Variants in MDGA2 observed in about 807,000 individuals in gnomAD.
MDGA2 encodes MAM domain-containing glycosylphosphatidylinositol anchor protein 2.
A neutral mutation model predicts 117.8 loss-of-function variants in MDGA2; 40 were observed. That is an observed-to-expected ratio of 0.34 (90% CI 0.26 to 0.44). The LOEUF (loss-of-function observed/expected upper bound fraction) is 0.44. Ranked by LOEUF, MDGA2 falls within the 20% of genes least tolerant of loss-of-function variation. The probability of loss-of-function intolerance (pLI) is 1.00; values close to 1 mark genes in which losing one functional copy is unlikely to be tolerated. For synonymous variants in MDGA2, 452 were observed against 439.0 expected, an observed-to-expected ratio of 1.03 and a Z score of -0.37; for missense variants, 1,123 against 1,250.6, an observed-to-expected ratio of 0.90 and a Z score of 1.54.
chr14:47,465,915 A>G (rs1335855379), intron 1 of MDGA2, among the ~76,000 whole-genome samples: 1 of 152,168 alleles, frequency 6.6e-6, no homozygotes, highest in Non-Finnish European at 1.5e-5. Flanking sequence ...AATAGCAGAC[A>G]TGGAATCAAC....
chr14:46,938,761 A>G (rs1161317355), intron 9 of MDGA2, among the ~76,000 whole-genome samples: 2 of 152,078 alleles, frequency 1.3e-5, no homozygotes, highest in East Asian at 3.9e-4. Context: ...CCCTCTACTG[A>G]TATTTATCCA....
chr14:47,625,994 G>A (rs1897132633), intron 1 of MDGA2, among the ~76,000 whole-genome samples: 1 of 152,140 alleles, frequency 6.6e-6, no homozygotes, highest in Non-Finnish European at 1.5e-5. Flanking sequence ...TTAATTCCAA[G>A]TTACTGTTTT....
chr14:47,080,949 C>T (rs971302163), intron 6 of MDGA2, among the ~76,000 whole-genome samples: 1 of 152,142 alleles, frequency 6.6e-6, no homozygotes, highest in African/African-American at 2.4e-5. Context: ...TCAACTTCTT[C>T]AAATCATCCA....
intron 1 of MDGA2, among the ~76,000 whole-genome samples, chr14:47,605,099 T>C (rs1010866496): frequency 2.6e-5 from 4 of 151,978 alleles, no homozygotes; most frequent in African/African-American, 7.2e-5. Flanking sequence ...TTTTCCCCCA[T>C]AGTTTAAAAT....
chr14:46,964,262 A>T (rs1885927295), intron 8 of MDGA2, among the ~76,000 whole-genome samples: 1 of 152,236 alleles, frequency 6.6e-6, no homozygotes, highest in South Asian at 2.1e-4. Flanking sequence ...ATTAGAGACC[A>T]GATCAGCTAT....
rs551942920 is a variant in MDGA2, at chr14:47,210,202, T to C, written c.595+7819A>G. Among the ~76,000 whole-genome samples the C allele has an allele frequency of 5.9e-5, 9 of 152,322 alleles. No homozygotes were observed. In the East Asian group the frequency reaches 1.5e-3, roughly 26 times the overall value. ...GGACCAAAAATATCACTGCTTGTTCTGAACATAATGAAATGCAGCAATCTA... is the reference window on the plus strand; with the variant it reads ...GGACCAAAAATATCACTGCTTGTTCCGAACATAATGAAATGCAGCAATCTA... On this transcript the variant is annotated intron_variant, in intron 3 of 16. Transcript: ENST00000399232.
rs542255836 is a variant in MDGA2 at position 47,447,491 on chromosome 14, T to G, written c.281-145941A>C. 9.8e-5 allele frequency among the ~76,000 whole-genome samples: 15 copies of G among 152,292 alleles called. No homozygotes were observed. In the South Asian group the frequency reaches 2.7e-3, roughly 27 times the overall value. On this transcript the variant is annotated intron_variant, in intron 1 of 16. Coordinates refer to ENST00000399232, the MANE Select transcript of MDGA2 (RefSeq NM_001113498.3). ...TAATGCTGTGTTTTCTGTTGTTGGATGCTTATGTGGGTTATATGTAAAATC... is the reference window on the plus strand; with the variant it reads ...TAATGCTGTGTTTTCTGTTGTTGGAGGCTTATGTGGGTTATATGTAAAATC...
At position 47,346,078 on chromosome 14, in the gene MDGA2, GA is replaced by G. The variant is rs1356116632; in HGVS notation, c.281-44529del. Among the ~76,000 whole-genome samples, 3 of 152,122 alleles carry G rather than the reference GA, an allele frequency of 2.0e-5. No individual in the cohort carries two copies. In the East Asian group the frequency reaches 5.8e-4, roughly 29 times the overall value. ...TATATTATATATTTTCTAATAGCTA[GA>G]AGGATGATATTGAATGTTCCCAACA... On this transcript the variant is annotated intron_variant, in intron 1 of 16. Coordinates refer to ENST00000399232, the MANE Select transcript of MDGA2 (RefSeq NM_001113498.3).
chr14:46,953,148 A>T (rs917018368), intron 9 of MDGA2, among the ~76,000 whole-genome samples: 3 of 151,850 alleles, frequency 2.0e-5, no homozygotes, highest in African/African-American at 7.2e-5. Flanking sequence ...TCTCTTTCTG[A>T]TGTTTAATCT....
chr14:46,919,691 T>C (rs1395560418), intron 10 of MDGA2, among the ~76,000 whole-genome samples: 1 of 152,168 alleles, frequency 6.6e-6, no homozygotes, highest in East Asian at 1.9e-4. Flanking sequence ...CTGAAATAAG[T>C]TCCTTTTATG....
chr14:47,507,497 G>C (rs1257714039), intron 1 of MDGA2, among the ~76,000 whole-genome samples: 1 of 152,062 alleles, frequency 6.6e-6, no homozygotes, highest in Admixed American at 6.6e-5. Context: ...AAAGGAGAGA[G>C]AACAAGATTT....
At chr14:46,931,440 T>G (rs1164548832) in intron 9 of MDGA2, among the ~76,000 whole-genome samples, 3 of 151,976 alleles carry the variant, frequency 2.0e-5, no homozygotes, top group Non-Finnish European at 2.9e-5. Flanking sequence ...TCAGTAGAAC[T>G]TTGGAGGACA....
intron 3 of MDGA2, among the ~76,000 whole-genome samples, chr14:47,187,377 C>CA (rs1178491585): frequency 4.0e-5 from 6 of 151,602 alleles, no homozygotes; most frequent in African/African-American, 2.4e-5. Context: ...ATTGGCAAAC[C>CA]AAAAAAACAA....
chr14:47,513,554 AATAG>A (rs751138869), intron 1 of MDGA2, among the ~76,000 whole-genome samples: 63 of 152,192 alleles, frequency 4.1e-4, no homozygotes, highest in Non-Finnish European at 6.5e-4. Flanking sequence ...CACATAGAAA[AATAG>A]ATAATTTTAT....
chr14:47,394,381 T>C (rs543416025), intron 1 of MDGA2, among the ~76,000 whole-genome samples: 16 of 152,278 alleles, frequency 1.1e-4, no homozygotes, highest in Admixed American at 5.2e-4. Context: ...TGTAACCTAG[T>C]GTAAAAGGTC....
intron 14 of MDGA2, among the ~76,000 whole-genome samples, chr14:46,857,210 T>A (rs1881303062): frequency 1.3e-5 from 2 of 152,214 alleles, no homozygotes; most frequent in Non-Finnish European, 2.9e-5. Flanking sequence ...TTATTTCCAT[T>A]TCTGGTGGTT....
chr14:46,872,666 T>C (rs1391437832), intron 14 of MDGA2, among the ~76,000 whole-genome samples: 2 of 152,006 alleles, frequency 1.3e-5, no homozygotes, highest in Non-Finnish European at 2.9e-5. Context: ...ATAGAGACTA[T>C]ACATAGGTTC....
At chr14:47,043,433 A>G (rs1298495936) in intron 7 of MDGA2, among the ~76,000 whole-genome samples, 1 of 152,118 alleles carries the variant, frequency 6.6e-6, no homozygotes, top group Non-Finnish European at 1.5e-5. Context: ...GTTTGAAAAT[A>G]TGCAGAACTT....
intron 2 of MDGA2, among the ~76,000 whole-genome samples, chr14:47,226,629 T>C (rs1400444643): frequency 6.6e-6 from 1 of 152,032 alleles, no homozygotes; most frequent in Non-Finnish European, 1.5e-5. Context: ...GACAGGAGGG[T>C]ACATCTTGGT....
Sources: gnomAD v4.1 joint callset for allele counts (sites outside exome capture counted in the v4.1 genomes callset) on GRCh38, gnomAD v4.1.1 for gene constraint, MANE v1.5 for transcripts, NCBI Gene and HGNC (gene_info 2026-07-23, HGNC 2026-07-21) for gene names.